STX8: variants seen among roughly 807,000 people sequenced by gnomAD.
STX8 encodes syntaxin 8.
In STX8, 23 loss-of-function variants were observed where a neutral mutation model predicts 37.5. That is an observed-to-expected ratio of 0.61 (90% CI 0.44 to 0.87). The LOEUF (loss-of-function observed/expected upper bound fraction) is 0.87. Ranked by LOEUF, STX8 falls within the 40% of genes least tolerant of loss-of-function variation. STX8 has a pLI of 0.00. For missense variants in STX8, 313 were observed against 284.7 expected (o/e 1.10, Z -0.71); for synonymous variants, 115 against 99.1 (o/e 1.16, Z -0.95).
At chr17:9,535,919 A>T (rs1161717698) in intron 4 of STX8, among the ~76,000 whole-genome samples, 2 of 152,244 alleles carry the variant, frequency 1.3e-5, no homozygotes, top group East Asian at 1.9e-4. Context: ...ACAAAACCTT[A>T]CGTCACGATT....
intron 6 of STX8, among the ~76,000 whole-genome samples, chr17:9,407,520 G>A (rs9904335): frequency 0.029 from 4,427 of 152,106 alleles, 243 homozygotes; most frequent in African/African-American, 0.098. Context: ...GACCATGGCC[G>A]TGTCACAGCC....
intron 6 of STX8, among the ~76,000 whole-genome samples, chr17:9,427,684 CACAG>C (rs1480785692): frequency 1.3e-5 from 2 of 152,062 alleles, no homozygotes; most frequent in South Asian, 2.1e-4. Flanking sequence ...ACTGTTGGCT[CACAG>C]ACAGAGTGGA....
At chr17:9,380,502 T>C (rs1489830611) in intron 6 of STX8, among the ~76,000 whole-genome samples, 1 of 151,148 alleles carries the variant, frequency 6.6e-6, no homozygotes, top group African/African-American at 2.4e-5. Context: ...GATCCTCTTG[T>C]GTCAGCCTCT....
chr17:9,480,143 C>G (rs1466714460), intron 6 of STX8, among the ~76,000 whole-genome samples: 1 of 152,142 alleles, frequency 6.6e-6, no homozygotes, highest in Non-Finnish European at 1.5e-5. Context: ...TGTATCTGTG[C>G]AGTATCTGTC....
chr17:9,250,608 G>A lies in STX8; in HGVS notation c.681C>T (p.Ile227=), dbSNP rs16958105. 3.1e-3 allele frequency: 4,995 copies of A among 1,600,218 alleles called. 48 individuals are homozygous for A. In the African/African-American group the frequency reaches 0.032, roughly 10 times the overall value. Residue 227 remains isoleucine, a synonymous_variant, in exon 8 of 8, where the codon ATC becomes ATT. Transcript: ENST00000306357. ...TGGTCGGCCAGACTGCAACAACCAC[G>A]ATAGCCACAAGCAGCAGTAAAATCA... The part of the protein sequence containing the change: ...IMVILLLLVA[I]VVVAVWPTN
At chr17:9,336,727 C>T (rs1910152949) in intron 7 of STX8, among the ~76,000 whole-genome samples, 1 of 152,112 alleles carries the variant, frequency 6.6e-6, no homozygotes, top group Non-Finnish European at 1.5e-5. Flanking sequence ...AGCCACCGTG[C>T]CCAGCCTACT....
chr17:9,533,526 G>A (rs1905903277), intron 4 of STX8, among the ~76,000 whole-genome samples: 1 of 152,124 alleles, frequency 6.6e-6, no homozygotes, highest in Admixed American at 6.6e-5. Context: ...AGCCTCTTCA[G>A]GAAGACAAGT....
intron 4 of STX8, among the ~76,000 whole-genome samples, chr17:9,522,159 T>A (rs1905366161): frequency 6.6e-6 from 1 of 151,810 alleles, no homozygotes. Context: ...TGTTTGCAAA[T>A]CATGGTACCT....
At chr17:9,343,064 C>CT (rs1461326817) in intron 7 of STX8, among the ~76,000 whole-genome samples, 3 of 148,444 alleles carry the variant, frequency 2.0e-5, no homozygotes, top group African/African-American at 7.4e-5. Flanking sequence ...TGAGGATGCA[C>CT]TGAGTGGTAA....
rs141623886 is a variant in STX8 at position 9,318,608 on chromosome 17, G to A, written c.643+59944C>T. Among the ~76,000 whole-genome samples, 12 of 152,154 alleles carry A rather than the reference G, an allele frequency of 7.9e-5. No homozygotes were observed. In the East Asian group the frequency reaches 2.3e-3, roughly 29 times the overall value. ...GCAGTAACAAGATAAATAAAAACAG[G>A]TCACAAACAAATTGGACTCGTGTCA... On this transcript the variant is annotated intron_variant, in intron 7 of 7. Transcript: ENST00000306357.
At chr17:9,359,280 TG>T (rs1256915522) in intron 7 of STX8, among the ~76,000 whole-genome samples, 1 of 151,888 alleles carries the variant, frequency 6.6e-6, no homozygotes, top group Admixed American at 6.6e-5. Context: ...TGACCTCAGG[TG>T]GAACTAAGGC....
chr17:9,362,357 C>T (rs1431497912), intron 7 of STX8, among the ~76,000 whole-genome samples: 2 of 152,070 alleles, frequency 1.3e-5, no homozygotes, highest in African/African-American at 4.8e-5. Context: ...TAAAAACAGC[C>T]CTAGAGCTAT....
chr17:9,565,135 G>A (rs1907402607), intron 2 of STX8, among the ~76,000 whole-genome samples: 2 of 152,238 alleles, frequency 1.3e-5, no homozygotes, highest in African/African-American at 2.4e-5. Flanking sequence ...TTGAACCCGA[G>A]AGGCAGAGGT....
At chr17:9,436,428 A>G (rs1172292548) in intron 6 of STX8, among the ~76,000 whole-genome samples, 1 of 152,150 alleles carries the variant, frequency 6.6e-6, no homozygotes, top group Non-Finnish European at 1.5e-5. Context: ...ATGAAAGGCA[A>G]GTCAGAAGTG....
At chr17:9,468,441 C>T (rs942352294) in intron 6 of STX8, among the ~76,000 whole-genome samples, 2 of 152,174 alleles carry the variant, frequency 1.3e-5, no homozygotes, top group Non-Finnish European at 2.9e-5. Context: ...GATTAATAAA[C>T]ATCTTACGAA....
chr17:9,301,654 G>GTT (rs530983906), intron 7 of STX8, among the ~76,000 whole-genome samples: 80 of 123,490 alleles, frequency 6.5e-4, no homozygotes, highest in African/African-American at 1.9e-3. Flanking sequence ...GGCCATTTTT[G>GTT]TTTTTTTTTT....
chr17:9,571,490 G>GA (rs1279722801), intron 1 of STX8, among the ~76,000 whole-genome samples: 1 of 151,016 alleles, frequency 6.6e-6, no homozygotes, highest in African/African-American at 2.4e-5. Flanking sequence ...AATTGGGTCG[G>GA]GGGGTGGCTG....
intron 6 of STX8, among the ~76,000 whole-genome samples, chr17:9,380,886 T>C (rs1217920423): frequency 6.6e-6 from 1 of 152,000 alleles, no homozygotes; most frequent in South Asian, 2.1e-4. Context: ...TTTGTATTTT[T>C]GTATTTTTAG....
At chr17:9,548,026 A>G (rs950640975) in intron 3 of STX8, among the ~76,000 whole-genome samples, 1 of 151,380 alleles carries the variant, frequency 6.6e-6, no homozygotes, top group Non-Finnish European at 1.5e-5. Flanking sequence ...CTCCTAATCT[A>G]AAGTGACCCT....
Sources: allele counts gnomAD v4.1 joint callset (sites outside exome capture counted in the v4.1 genomes callset), GRCh38; gene constraint gnomAD v4.1.1; transcripts MANE v1.5; gene names NCBI Gene and HGNC (gene_info 2026-07-23, HGNC 2026-07-21).